The following LRBA variants were observed in gnomAD, a reference collection of about 807,000 sequenced individuals.
LRBA encodes LPS responsive beige-like anchor protein.
A neutral mutation model predicts 330.0 loss-of-function variants in LRBA; 176 were observed. That is an observed-to-expected ratio of 0.53 (90% CI 0.47 to 0.60). LRBA has a LOEUF of 0.60. LRBA is among the 20% of genes least tolerant of loss of function. LRBA has a pLI of 0.00. For missense variants in LRBA, 3,259 were observed against 3,444.8 expected (o/e 0.95, Z 1.35); for synonymous variants, 1,230 against 1,193.0 (o/e 1.03, Z -0.64).
chr4:150,739,948 G>A (rs1242661592), intron 35 of LRBA, among the ~76,000 whole-genome samples: 2 of 152,196 alleles, frequency 1.3e-5, no homozygotes, highest in Non-Finnish European at 2.9e-5. Context: ...GAGAGGCCCA[G>A]CTAAGCCATG....
intron 40 of LRBA, among the ~76,000 whole-genome samples, chr4:150,496,416 A>G (rs1759598209): frequency 6.6e-6 from 1 of 152,090 alleles, no homozygotes; most frequent in African/African-American, 2.4e-5. Context: ...ATTGAATACT[A>G]GGGATTTTTA....
At chr4:150,622,437 C>A (rs954410121) in intron 37 of LRBA, among the ~76,000 whole-genome samples, 27 of 152,104 alleles carry the variant, frequency 1.8e-4, no homozygotes, top group Admixed American at 6.5e-5. Flanking sequence ...ACTTGAGAGG[C>A]TAAAGCAGGA....
At chr4:150,662,037 TGG>T (rs1781164732) in intron 37 of LRBA, among the ~76,000 whole-genome samples, 1 of 152,182 alleles carries the variant, frequency 6.6e-6, no homozygotes, top group Admixed American at 6.5e-5. Context: ...ACATAATTTC[TGG>T]GATGTTTGTA....
chr4:150,580,694 A>G (rs749361139), intron 40 of LRBA: 3 of 152,224 alleles, frequency 2.0e-5, no homozygotes, highest in Non-Finnish European at 2.9e-5. Context: ...AGGTTCATAC[A>G]TAAACCCTCA....
At chr4:150,316,584 A>G (rs1731751339) in intron 50 of LRBA, among the ~76,000 whole-genome samples, 1 of 152,090 alleles carries the variant, frequency 6.6e-6, no homozygotes, top group Admixed American at 6.6e-5. Context: ...TCAGCCATTC[A>G]CCCTGCTCAG....
In LRBA at chr4:150,849,006, G is replaced by A; in HGVS notation, c.4159-8C>T. The A allele has an allele frequency of 6.4e-7, 1 of 1,556,066 alleles. No individual in the cohort carries two copies. On this transcript the variant is annotated splice_region_variant and splice_polypyrimidine_tract_variant and intron_variant, in intron 25 of 56. Coordinates refer to ENST00000651943, the MANE Select transcript of LRBA (RefSeq NM_001364905.1). ...AATATTTTCCAGTTCATGCTGTAAA[G>A]AATAAAGTTTGACATTTATATATAT...
intron 46 of LRBA, among the ~76,000 whole-genome samples, chr4:150,431,214 G>A (rs1750334969): frequency 6.6e-6 from 1 of 151,956 alleles, no homozygotes; most frequent in Non-Finnish European, 1.5e-5. Flanking sequence ...AATCTACTGG[G>A]GATTTTAAAA....
chr4:150,789,542 T>C (rs1167470411), intron 34 of LRBA, among the ~76,000 whole-genome samples: 1 of 152,146 alleles, frequency 6.6e-6, no homozygotes, highest in African/African-American at 2.4e-5. Flanking sequence ...GCAAATACCA[T>C]AAACATACAG....
intron 2 of LRBA, among the ~76,000 whole-genome samples, chr4:150,951,125 G>C (rs1049826514): frequency 6.6e-6 from 1 of 152,112 alleles, no homozygotes; most frequent in Non-Finnish European, 1.5e-5. Context: ...GGTTTCCCTG[G>C]TTCTTGCAGC....
intron 2 of LRBA, among the ~76,000 whole-genome samples, chr4:150,951,561 G>A (rs1320261731): frequency 1.3e-5 from 2 of 151,834 alleles, no homozygotes; most frequent in Admixed American, 6.6e-5. Flanking sequence ...CTTACAACTT[G>A]GCATCTTAGA....
intron 36 of LRBA, among the ~76,000 whole-genome samples, chr4:150,708,251 T>C (rs1383265083): frequency 6.6e-6 from 1 of 151,894 alleles, no homozygotes; most frequent in Non-Finnish European, 1.5e-5. Flanking sequence ...AGAGCAGAGA[T>C]AACTCAATTC....
At chr4:150,595,242 A>G (rs1182341960) in intron 38 of LRBA, among the ~76,000 whole-genome samples, 1 of 151,942 alleles carries the variant, frequency 6.6e-6, no homozygotes, top group Non-Finnish European at 1.5e-5. Context: ...AAAATTAATG[A>G]AACTACAAAG....
chr4:150,277,901 G>A lies in LRBA; in HGVS notation c.8420C>T (p.Pro2807Leu). The change falls in exon 56 of 57, where the codon CCA becomes CTA. Residue 2807 changes from proline to leucine, a missense_variant. Pro to Leu is a moderately conservative substitution (Grantham distance 98, BLOSUM62 -3). Coordinates refer to ENST00000651943, the MANE Select transcript of LRBA (RefSeq NM_001364905.1). ...VSDLKQLFAY[P>L]GCDAGIRAMA... ...GGCCCGGATTCCAGCGTCACATCCT[G>A]GATAGGCAAAGAGCTGCTTGAGGTC... is the stretch of plus-strand genomic sequence containing the variant. 1 of 1,614,090 alleles carries A rather than the reference G, an allele frequency of 6.2e-7. No individual in the cohort carries two copies. The highest frequency in any genetic ancestry group is 1.3e-5 in the African/African-American group (1 of 75,004).
chr4:150,917,877 C>T (rs780118779), intron 5 of LRBA, among the ~76,000 whole-genome samples: 5 of 151,494 alleles, frequency 3.3e-5, no homozygotes, highest in Non-Finnish European at 5.9e-5. Context: ...TGCAGTGAGC[C>T]GAGATCATGC....
intron 35 of LRBA, among the ~76,000 whole-genome samples, chr4:150,757,751 A>G (rs1734508712): frequency 6.6e-6 from 1 of 152,208 alleles, no homozygotes; most frequent in African/African-American, 2.4e-5. Flanking sequence ...TTTCCTTTAA[A>G]ATATATTCTA....
intron 37 of LRBA, among the ~76,000 whole-genome samples, chr4:150,681,496 C>G (rs1332941174): frequency 6.6e-6 from 1 of 152,002 alleles, no homozygotes; most frequent in East Asian, 1.9e-4. Flanking sequence ...AGGGAGAAAC[C>G]AGGTATTCTA....
intron 17 of LRBA, among the ~76,000 whole-genome samples, chr4:150,884,742 G>A (rs1728766076): frequency 6.6e-6 from 1 of 151,982 alleles, no homozygotes. Context: ...AAAGTCTAGA[G>A]TTGCCCAGTT....
intron 53 of LRBA, among the ~76,000 whole-genome samples, chr4:150,291,113 C>G (rs1431991440): frequency 3.2e-5 from 4 of 123,826 alleles, no homozygotes; most frequent in South Asian, 6.6e-4. Context: ...CCCCTCCCCC[C>G]ACCCCACCAC....
intron 44 of LRBA, among the ~76,000 whole-genome samples, chr4:150,438,251 G>T (rs1431992626): frequency 6.6e-6 from 1 of 152,190 alleles, no homozygotes; most frequent in Non-Finnish European, 1.5e-5. Context: ...GGGAGGTCGA[G>T]GTGGGAGATT....
Sources: gnomAD v4.1 joint callset for allele counts (sites outside exome capture counted in the v4.1 genomes callset) on GRCh38, gnomAD v4.1.1 for gene constraint, MANE v1.5 for transcripts, NCBI Gene and HGNC (gene_info 2026-07-23, HGNC 2026-07-21) for gene names.